ACOXL: variants seen among roughly 807,000 people sequenced by gnomAD.
ACOXL encodes acyl-coenzyme A oxidase-like protein.
A neutral mutation model predicts 71.9 loss-of-function variants in ACOXL; 70 were observed. The observed-to-expected ratio is 0.97, with a 90% CI of 0.80 to 1.19. ACOXL has a LOEUF of 1.19. Among genes scored for constraint, ACOXL ranks in the 50% most tolerant of loss-of-function variants. The pLI is 0.00. For missense variants in ACOXL, 703 were observed against 736.3 expected, an observed-to-expected ratio of 0.95 and a Z score of 0.52; for synonymous variants, 253 against 281.6, an observed-to-expected ratio of 0.90 and a Z score of 1.02.
chr2:110,736,829 C>T (rs1676917150), intron 1 of ACOXL, among the ~76,000 whole-genome samples: 2 of 152,132 alleles, frequency 1.3e-5, no homozygotes, highest in African/African-American at 4.8e-5. Context: ...ATCACGTTAG[C>T]CAGGATGGTC....
rs557335908 is a variant in ACOXL, at chr2:110,765,155, A to G, written c.-22-3213A>G. On this transcript the variant is annotated intron_variant, in intron 1 of 17. Transcript: ENST00000439055. ...CCAGTGAGAAATCTGCTGTCATTCC[A>G]ATGGTTTTCCCCTATAAGTAACCCA... Among the ~76,000 whole-genome samples, 218 of 152,254 alleles carry G rather than the reference A, an allele frequency of 1.4e-3. 2 individuals carry two copies. Among genetic ancestry groups the G allele is most frequent in the African/African-American group, 5.2e-3 (215 of 41,556 alleles).
In ACOXL at chr2:110,914,814, A is replaced by G. The variant is rs148084006; in HGVS notation, c.905+5909A>G. ...ACATGAATGTTCACTGCAGATTGTT[A>G]TTGTCTTTCTTGTTTGTTTTAATTT... On this transcript the variant is annotated intron_variant, in intron 11 of 17. Transcript: ENST00000439055. Among the ~76,000 whole-genome samples the G allele has an allele frequency of 2.0e-5, 3 of 152,174 alleles. No homozygotes were observed. In the East Asian group the frequency reaches 5.8e-4, roughly 29 times the overall value.
chr2:110,954,639 T>C (rs1455288076), intron 12 of ACOXL, among the ~76,000 whole-genome samples: 3 of 152,234 alleles, frequency 2.0e-5, no homozygotes, highest in Admixed American at 1.3e-4. Context: ...ACTATTGTTG[T>C]CCACTGCTCC....
chr2:111,093,428 A>G, intron 17 of ACOXL: 1 of 1,612,158 alleles, frequency 6.2e-7, no homozygotes, highest in East Asian at 2.2e-5. Context: ...GCAAAGAAAA[A>G]GAATGTGAAA....
chr2:110,754,031 CGTGTGTGTGTGTGT>C (rs34282367), intron 1 of ACOXL, among the ~76,000 whole-genome samples: 3 of 141,202 alleles, frequency 2.1e-5, no homozygotes, highest in Non-Finnish European at 1.5e-5. Flanking sequence ...CACATGCACA[CGTGTGTGTGTGTGT>C]GTGTGTGTGT....
chr2:111,052,493 G>A lies in ACOXL; in HGVS notation c.1440+3205G>A, dbSNP rs1240376360. Among the ~76,000 whole-genome samples, 4 of 152,082 alleles carry A rather than the reference G, an allele frequency of 2.6e-5. No homozygotes were observed. In the East Asian group the frequency reaches 5.8e-4, roughly 22 times the overall value. On this transcript the variant is annotated intron_variant, in intron 16 of 17. Transcript: ENST00000439055. The stretch of plus-strand genomic sequence containing the variant: ...CAAGCAGAGGTGGAAGCTGTTACTG[G>A]CTTAAGTAACAGACCCTGCAGACCC...
At chr2:111,061,452 TC>T (rs1305364439) in intron 16 of ACOXL, among the ~76,000 whole-genome samples, 8 of 148,970 alleles carry the variant, frequency 5.4e-5, no homozygotes, top group Non-Finnish European at 7.4e-5. Context: ...AGTCAAGCTA[TC>T]CTCAGATTAG....
In ACOXL at chr2:110,779,913, C is replaced by A. The variant is rs187526810; in HGVS notation, c.76-4819C>A. ...TAGGCAGGGGTTCTTAGAGGAGACT[C>A]AAAAATCACTTGAACATATAAACGA... is the stretch of plus-strand genomic sequence containing the variant. On this transcript the variant is annotated intron_variant, in intron 2 of 17. Coordinates refer to ENST00000439055, the MANE Select transcript of ACOXL (RefSeq NM_001142807.4). Among the ~76,000 whole-genome samples, 527 of 152,192 alleles carry A rather than the reference C, an allele frequency of 3.5e-3. 2 individuals are homozygous for A. Among genetic ancestry groups the A allele is most frequent in the Middle Eastern group, 6.8e-3 (2 of 294 alleles).
At chr2:110,912,264 G>A in intron 11 of ACOXL, among the ~76,000 whole-genome samples, 1 of 152,028 alleles carries the variant, frequency 6.6e-6, no homozygotes, top group Non-Finnish European at 1.5e-5. Context: ...AAATTGACAA[G>A]CTGATCCTAA....
intron 16 of ACOXL, among the ~76,000 whole-genome samples, chr2:111,084,787 A>G (rs1487422664): frequency 6.6e-6 from 1 of 152,148 alleles, no homozygotes; most frequent in African/African-American, 2.4e-5. Context: ...AGCTTGATAA[A>G]GAGCAAGACC....
At chr2:110,940,509 C>G (rs539511432) in intron 12 of ACOXL, among the ~76,000 whole-genome samples, 1 of 152,308 alleles carries the variant, frequency 6.6e-6, no homozygotes, top group East Asian at 1.9e-4. Flanking sequence ...CTCCAAATGT[C>G]TCCTGAGCAT....
chr2:111,043,368 C>T (rs1006258317), intron 15 of ACOXL, among the ~76,000 whole-genome samples: 2 of 152,322 alleles, frequency 1.3e-5, no homozygotes, highest in South Asian at 2.1e-4. Flanking sequence ...TTCTGCAAAA[C>T]GAAGCCTTTT....
chr2:111,117,642 G>A lies in ACOXL; in HGVS notation c.1569G>A (p.Lys523=), dbSNP rs950538763. 1.5e-5 allele frequency: 23 copies of A among 1,551,680 alleles called. No individual in the cohort carries two copies. The highest frequency in any genetic ancestry group is 3.9e-5 in the Admixed American group (2 of 50,996). The change falls in exon 18 of 18, where the codon AAG becomes AAA. Residue 523 remains lysine, a synonymous_variant. Transcript: ENST00000439055. The part of the protein sequence containing the change: ...NQLLDLCDSV[K]DDARRVISTF... ...TGCTGGATTTGTGCGACTCGGTGAAGGATGATGCCCGGAGGGTGATCTCGA... is the reference window on the plus strand; with the variant it reads ...TGCTGGATTTGTGCGACTCGGTGAAAGATGATGCCCGGAGGGTGATCTCGA...
intron 12 of ACOXL, chr2:110,968,433 G>A (rs1000505011): frequency 3.7e-5 from 43 of 1,174,798 alleles, no homozygotes; most frequent in African/African-American, 2.3e-4. Flanking sequence ...AGCACATCAC[G>A]GGCCAGAATG....
chr2:110,768,243 T>C, intron 1 of ACOXL, 125 bp from the exon 2 acceptor site: 1 of 686,748 alleles, frequency 1.5e-6, no homozygotes, highest in Admixed American at 2.3e-5. Flanking sequence ...ACACACAGTG[T>C]GCACAGTATC....
At chr2:111,049,729 AC>A (rs1362920114) in intron 16 of ACOXL, among the ~76,000 whole-genome samples, 1 of 152,076 alleles carries the variant, frequency 6.6e-6, no homozygotes, top group African/African-American at 2.4e-5. Flanking sequence ...GTTCATATTC[AC>A]CACCAGAATG....
chr2:111,077,463 T>C (rs2067659729), intron 16 of ACOXL, among the ~76,000 whole-genome samples: 1 of 152,196 alleles, frequency 6.6e-6, no homozygotes, highest in Non-Finnish European at 1.5e-5. Flanking sequence ...TTTAAAAGAA[T>C]TATGAGAAGA....
chr2:110,991,096 CTTAA>C (rs904045571), intron 13 of ACOXL, among the ~76,000 whole-genome samples: 3 of 152,102 alleles, frequency 2.0e-5, no homozygotes, highest in African/African-American at 7.2e-5. Flanking sequence ...ATTTAATTAG[CTTAA>C]TTGTTTAAAG....
intron 1 of ACOXL, among the ~76,000 whole-genome samples, chr2:110,733,397 C>T (rs1443359576): frequency 6.6e-6 from 1 of 152,170 alleles, no homozygotes; most frequent in African/African-American, 2.4e-5. Flanking sequence ...GCTTGAGCTG[C>T]ACTGGAGATA....
Sources: allele counts gnomAD v4.1 joint callset (sites outside exome capture counted in the v4.1 genomes callset), GRCh38; gene constraint gnomAD v4.1.1; transcripts MANE v1.5; gene names NCBI Gene and HGNC (gene_info 2026-07-23, HGNC 2026-07-21).